NELL2: variants seen among roughly 807,000 people sequenced by gnomAD.
NELL2 encodes the protein protein kinase C-binding protein NELL2.
Under a neutral mutation model 109.6 loss-of-function variants are expected in NELL2, and 41 were observed. The observed-to-expected ratio is 0.37, with a 90% CI of 0.29 to 0.49. The LOEUF (loss-of-function observed/expected upper bound fraction) is 0.49. Among genes scored for constraint, NELL2 ranks in the 20% least tolerant of loss-of-function variants. The pLI, the probability that NELL2 is intolerant of heterozygous loss-of-function variation, is 0.98. For synonymous variants in NELL2, 355 were observed against 344.7 expected, an observed-to-expected ratio of 1.03 and a Z score of -0.33; for missense variants, 900 against 1,008.3, an observed-to-expected ratio of 0.89 and a Z score of 1.45.
At chr12:44,753,357 A>G (rs10880669) in intron 9 of NELL2, among the ~76,000 whole-genome samples, 7 of 151,678 alleles carry the variant, frequency 4.6e-5, no homozygotes, top group Non-Finnish European at 7.4e-5. Flanking sequence ...ACTGCCTAGT[A>G]CATGGGAACA....
chr12:44,871,700 G>A (rs1945167037), intron 2 of NELL2, among the ~76,000 whole-genome samples: 1 of 152,134 alleles, frequency 6.6e-6, no homozygotes, highest in African/African-American at 2.4e-5. Context: ...AGTTACCTTT[G>A]CCTACTAAAG....
At chr12:44,736,156 G>A (rs1043568806) in intron 9 of NELL2, among the ~76,000 whole-genome samples, 11 of 151,628 alleles carry the variant, frequency 7.3e-5, no homozygotes, top group Non-Finnish European at 1.5e-4. Flanking sequence ...GACTACAGGC[G>A]CGCGCCACCA....
At chr12:44,527,957 G>A (rs1333507955) in intron 16 of NELL2, among the ~76,000 whole-genome samples, 2 of 151,542 alleles carry the variant, frequency 1.3e-5, no homozygotes, top group Non-Finnish European at 2.9e-5. Flanking sequence ...AGCCCGGCGT[G>A]GTGGCGGGCG....
intron 15 of NELL2, among the ~76,000 whole-genome samples, chr12:44,556,156 T>C (rs1943245989): frequency 6.6e-6 from 1 of 152,156 alleles, no homozygotes; most frequent in Non-Finnish European, 1.5e-5. Flanking sequence ...CAAGGGAAAA[T>C]AAGGTCTGTG....
chr12:44,784,378 A>G (rs1942082596), intron 3 of NELL2, among the ~76,000 whole-genome samples: 1 of 152,076 alleles, frequency 6.6e-6, no homozygotes, highest in Non-Finnish European at 1.5e-5. Flanking sequence ...AAAAGAATAC[A>G]GAATAGAAAG....
At chr12:44,714,593 T>C in intron 10 of NELL2, 57 bp downstream of exon 10, 1 of 1,121,606 alleles carries the variant, frequency 8.9e-7, no homozygotes, top group South Asian at 1.5e-5. Flanking sequence ...GTAAAGAAAC[T>C]TTTATCTTGT....
chr12:44,784,658 A>G (rs1942094075), intron 3 of NELL2, among the ~76,000 whole-genome samples: 1 of 152,206 alleles, frequency 6.6e-6, no homozygotes, highest in South Asian at 2.1e-4. Flanking sequence ...CAAATCCAGC[A>G]GCACATCCAA....
At chr12:44,810,799 T>G (rs757868916) in intron 3 of NELL2, among the ~76,000 whole-genome samples, 6 of 152,120 alleles carry the variant, frequency 3.9e-5, no homozygotes, top group Non-Finnish European at 7.4e-5. Context: ...GGGACAGGAA[T>G]GGAGTGCCTT....
intron 11 of NELL2, among the ~76,000 whole-genome samples, chr12:44,707,466 A>T (rs1937949158): frequency 2.0e-5 from 3 of 152,306 alleles, no homozygotes; most frequent in African/African-American, 4.8e-5. Flanking sequence ...TTGAGAGCAG[A>T]ATCAAGCTAC....
At chr12:44,509,335 A>C (rs1940874323) in intron 19 of NELL2, among the ~76,000 whole-genome samples, 3 of 152,206 alleles carry the variant, frequency 2.0e-5, no homozygotes, top group Admixed American at 6.5e-5. Flanking sequence ...TTTGCAGTTT[A>C]TCTAGGGAGA....
intron 3 of NELL2, among the ~76,000 whole-genome samples, chr12:44,809,976 G>A (rs1943121581): frequency 6.6e-6 from 1 of 152,048 alleles, no homozygotes; most frequent in African/African-American, 2.4e-5. Flanking sequence ...ACTTATAGCT[G>A]TTTCGAGGCA....
At chr12:44,829,211 G>A (rs1340095076) in intron 2 of NELL2, among the ~76,000 whole-genome samples, 1 of 152,098 alleles carries the variant, frequency 6.6e-6, no homozygotes, top group Non-Finnish European at 1.5e-5. Context: ...TAAGAAGAAT[G>A]ATGATAAGTG....
upstream of NELL2, among the ~76,000 whole-genome samples, chr12:44,918,887 A>G (rs78438810): frequency 1.7e-3 from 258 of 152,222 alleles, 1 homozygote; most frequent in African/African-American, 5.8e-3. Context: ...CTGATTCCCA[A>G]TGTAGAGGCT....
chr12:44,664,731 G>A (rs1378937310), intron 13 of NELL2, among the ~76,000 whole-genome samples: 11 of 151,948 alleles, frequency 7.2e-5, no homozygotes, highest in Non-Finnish European at 1.6e-4. Context: ...TGTTATTTTT[G>A]TTTCTTCTAT....
At chr12:44,695,929 A>C (rs1230538615) in intron 12 of NELL2, among the ~76,000 whole-genome samples, 1 of 152,190 alleles carries the variant, frequency 6.6e-6, no homozygotes, top group East Asian at 1.9e-4. Context: ...GGCTGCAATG[A>C]GGCATGATTG....
At chr12:44,654,420 TAGTC>T (rs1947416827) in intron 13 of NELL2, among the ~76,000 whole-genome samples, 1 of 152,192 alleles carries the variant, frequency 6.6e-6, no homozygotes, top group South Asian at 2.1e-4. Flanking sequence ...TCGTTTGTGG[TAGTC>T]AGTCTCTAAA....
chr12:44,566,280 T>C (rs1352454160), intron 15 of NELL2, among the ~76,000 whole-genome samples: 2 of 152,132 alleles, frequency 1.3e-5, no homozygotes, highest in South Asian at 4.1e-4. Flanking sequence ...AGATGCCTAT[T>C]GTAGAGATTA....
chr12:44,636,228 AACAGAG>A (rs1478708201), intron 13 of NELL2, among the ~76,000 whole-genome samples: 1 of 152,094 alleles, frequency 6.6e-6, no homozygotes, highest in East Asian at 1.9e-4. Flanking sequence ...GTCATTTGCA[AACAGAG>A]ACAATGTGAC....
At chr12:44,776,519 T>C (rs1941763760) in intron 7 of NELL2, among the ~76,000 whole-genome samples, 2 of 152,212 alleles carry the variant, frequency 1.3e-5, no homozygotes, top group African/African-American at 4.8e-5. Flanking sequence ...TTATGTTGTA[T>C]AAGAAACAAA....
Sources: allele counts gnomAD v4.1 joint callset (sites outside exome capture counted in the v4.1 genomes callset), GRCh38; gene constraint gnomAD v4.1.1; transcripts MANE v1.5; gene names NCBI Gene and HGNC (gene_info 2026-07-23, HGNC 2026-07-21).